Variants in GZMB observed in about 807,000 individuals in gnomAD.
GZMB encodes the protein granzyme B, also known as T-cell serine protease 1-3E.
GZMB carries 27 observed loss-of-function variants against 24.2 expected under a neutral mutation model. That is an observed-to-expected ratio of 1.12 (90% CI 0.82 to 1.54). GZMB has a LOEUF of 1.54. Among genes scored for constraint, GZMB ranks in the 40% most tolerant of loss-of-function variants. The pLI is 0.00. For synonymous variants in GZMB, 121 were observed against 115.1 expected (o/e 1.05, Z -0.33); for missense variants, 336 against 310.1 (o/e 1.08, Z -0.63).
intron 1 of GZMB, 149 bp from the exon 2 acceptor site, chr14:24,633,211 C>T: frequency 7.0e-7 from 1 of 1,437,886 alleles, no homozygotes; most frequent in Non-Finnish European, 9.1e-7. Context: ...ATTTCCTGCT[C>T]TGAAAAAGGG....
Position 24,632,064 on chromosome 14 carries a change from T to A in GZMB, c.394A>T (p.Asn132Tyr). 1.2e-6 allele frequency: 2 copies of A among 1,614,210 alleles called. No individual in the cohort carries two copies. Among genetic ancestry groups the A allele is most frequent in the East Asian group, 4.5e-5 (2 of 44,880 alleles). Residue 132 changes from asparagine (N) to tyrosine (Y), a missense_variant, in exon 4 of 5, where the codon AAC becomes TAC. Coordinates refer to ENST00000216341, the MANE Select transcript of GZMB (RefSeq NM_004131.6). ...RAVQPLRLPS[N>Y]KAQVKPGQTC... ...TGCCCTGGCTTCACCTGGGCCTTGT[T>A]GCTAGGTAGCCTGAGGGGCTGCACA... is the stretch of plus-strand genomic sequence containing the variant.
At position 24,631,214 on chromosome 14, in the gene GZMB, C is replaced by G; in HGVS notation, c.601G>C (p.Gly201Arg). Residue 201 changes from glycine (G) to arginine (R), a missense_variant and splice_region_variant, in exon 5 of 5, where the codon GGG becomes CGG. By Grantham distance (125) the Gly-to-Arg change is moderately radical (BLOSUM62 -2). Transcript: ENST00000216341. ...DPEIKKTSFKGDSGGPLVCNK... is the reference protein window; with the variant it reads ...DPEIKKTSFKRDSGGPLVCNK... Reference sequence around the variant, plus strand: ...CACACAAGAGGGCCTCCAGAGTCCCCCTGTGAATAGAGAGTGGAAGGACTG... The same window carrying G: ...CACACAAGAGGGCCTCCAGAGTCCCGCTGTGAATAGAGAGTGGAAGGACTG... The G allele has an allele frequency of 6.2e-7, 1 of 1,612,402 alleles. No homozygotes were observed. Among genetic ancestry groups the G allele is most frequent in the Non-Finnish European group, 8.5e-7 (1 of 1,179,086 alleles).
Position 24,632,701 on chromosome 14 carries a change from T to C in GZMB, c.203+214A>G, listed in dbSNP as rs546200590. On this transcript the variant is annotated intron_variant, in intron 2 of 4. Coordinates refer to ENST00000216341, the MANE Select transcript of GZMB (RefSeq NM_004131.6). ...GCCAAAGTATGCCCCCAGTTCTAAA[T>C]ATGGCAGGCTTGGTCACTCTGCTGT... The C allele has an allele frequency of 8.7e-4, 701 of 804,662 alleles. 3 individuals carry two copies. The highest frequency in any genetic ancestry group is 2.5e-3 in the African/African-American group (146 of 59,142). 49.8% of individuals were successfully genotyped at this position (804,662 alleles called of 1,614,324 possible). A position where few individuals can be genotyped will look rare whatever the true frequency, so the allele number is the denominator to read the frequency against.
rs1162753313 is a variant in GZMB, at chr14:24,632,111, C to A, written c.347G>T (p.Arg116Ile). The A allele has an allele frequency of 6.2e-7, 1 of 1,613,494 alleles. No homozygotes were observed. The highest frequency in any genetic ancestry group is 1.1e-5 in the South Asian group (1 of 91,068). ...SNDIMLLQLE[R>I]KAKRTRAVQP... is the part of the protein sequence containing the mutation. ...CACAGCTCTGGTCCGCTTGGCCTTT[C>A]TCTCCAGCTGGTGGGGAAGAGGCAA... The change falls in exon 4 of 5, where the codon AGA (arginine) becomes ATA (isoleucine). Residue 116 changes from arginine (R) to isoleucine (I), a missense_variant. Transcript: ENST00000216341.
In GZMB at chr14:24,631,946, C is replaced by T. The variant is rs376486286; in HGVS notation, c.512G>A (p.Arg171Gln). The T allele has an allele frequency of 1.5e-5, 24 of 1,614,180 alleles. No individual in the cohort carries two copies. Among genetic ancestry groups the T allele is most frequent in the Admixed American group, 5.0e-5 (3 of 60,030 alleles). ...ATGGCGTAAGTCAGATTCGCACTTTCGATCTTCCTGCACTGTCATCTTCAC... is the reference window on the plus strand; with the variant it reads ...ATGGCGTAAGTCAGATTCGCACTTTTGATCTTCCTGCACTGTCATCTTCAC... The part of the protein sequence containing the change: ...QEVKMTVQED[R>Q]KCESDLRHYY... Residue 171 changes from arginine (R) to glutamine (Q), a missense_variant, in exon 4 of 5, where the codon CGA becomes CAA. Physicochemically the swap from Arg to Gln is conservative, Grantham distance 43 (BLOSUM62 1). Transcript: ENST00000216341.
intron 2 of GZMB, 29 bp from the exon 3 acceptor site, chr14:24,632,488 G>A (rs368181836): frequency 9.3e-6 from 15 of 1,613,740 alleles, no homozygotes; most frequent in Non-Finnish European, 1.2e-5. Context: ...GAGGATGGGG[G>A]TGGAGTCACA....
chr14:24,632,894 G>T, intron 2 of GZMB, 21 bp downstream of exon 2: 1 of 1,605,272 alleles, frequency 6.2e-7, no homozygotes, highest in South Asian at 1.1e-5. Context: ...AGGAGGGTGT[G>T]GGCTGTTTTC....
rs905253595 is a variant in GZMB at position 24,633,182 on chromosome 14, C to T, written c.56-120G>A. 5 of 1,466,380 alleles carry T rather than the reference C, an allele frequency of 3.4e-6. No homozygotes were observed. The African/African-American group carries it at 7.0e-5, about 21-fold the overall frequency. 90.8% of individuals were successfully genotyped at this position (1,466,380 alleles called of 1,614,324 possible). On this transcript the variant is annotated intron_variant, in intron 1 of 4. Transcript: ENST00000216341. Reference sequence around the variant, plus strand: ...TGGGATAGCCTGGAGTTGGGAGTGGCCTGGAGGAAGGGGCTTCAATTTCCT... The same window carrying T: ...TGGGATAGCCTGGAGTTGGGAGTGGTCTGGAGGAAGGGGCTTCAATTTCCT...
At chr14:24,633,739 T>C (rs2067018409) in intron 1 of GZMB, among the ~76,000 whole-genome samples, 1 of 152,216 alleles carries the variant, frequency 6.6e-6, no homozygotes, top group Admixed American at 6.5e-5. Context: ...GTTTCTCTCC[T>C]AAGTAGACAG....
chr14:24,632,142 T>A lies in GZMB; in HGVS notation c.340-24A>T, dbSNP rs201822821. 5.0e-5 allele frequency: 80 copies of A among 1,610,264 alleles called. No homozygotes were observed. The Middle Eastern group carries it at 5.2e-4, about 10-fold the overall frequency. On this transcript the variant is annotated intron_variant, in intron 3 of 4. Coordinates refer to ENST00000216341, the MANE Select transcript of GZMB (RefSeq NM_004131.6). ...AGCTGGTGGGGAAGAGGCAAGAAAG[T>A]CCAGGTCAGCCAACGAACTTCTGGG...
chr14:24,634,016 C>G, intron 1 of GZMB, 90 bp downstream of exon 1: 1 of 1,158,262 alleles, frequency 8.6e-7, no homozygotes, highest in African/African-American at 1.5e-5. Context: ...TCAGAACATT[C>G]CTGGTAGATA....
Position 24,631,925 on chromosome 14 carries a change from C to T in GZMB, c.533G>A (p.Arg178His), listed in dbSNP as rs751052963. The T allele has an allele frequency of 2.3e-5, 37 of 1,613,930 alleles. 1 individual carries two copies. The South Asian group carries it at 3.5e-4, about 15-fold the overall frequency. The change falls in exon 4 of 5, where the codon CGC becomes CAC. Residue 178 changes from arginine to histidine, a missense_variant. By Grantham distance (29) the Arg-to-His change is conservative. Transcript: ENST00000216341. The part of the protein sequence containing the change: ...QEDRKCESDL[R>H]HYYDSTIELC... ...CTCAATGGTACTGTCGTAATAATGG[C>T]GTAAGTCAGATTCGCACTTTCGATC... is the stretch of plus-strand genomic sequence containing the variant.
In GZMB at chr14:24,631,171, C is replaced by T; in HGVS notation, c.644G>A (p.Gly215Asp). The T allele has an allele frequency of 6.2e-7, 1 of 1,612,990 alleles. No individual in the cohort carries two copies. Among genetic ancestry groups the T allele is most frequent in the Non-Finnish European group, 8.5e-7 (1 of 1,179,030 alleles). The stretch of plus-strand genomic sequence containing the variant: ...ATTGTTTCGTCCATAGGAGACAATG[C>T]CCTGGGCCACCTTGTTACACACAAG... ...GPLVCNKVAQGIVSYGRNNGM... is the reference protein window; with the variant it reads ...GPLVCNKVAQDIVSYGRNNGM... The change falls in exon 5 of 5, where the codon GGC (glycine) becomes GAC (aspartate). Residue 215 changes from glycine to aspartate, a missense_variant. Coordinates refer to ENST00000216341, the MANE Select transcript of GZMB (RefSeq NM_004131.6).
intron 2 of GZMB, 55 bp downstream of exon 2, chr14:24,632,860 C>CTCCTTGGGAAGA: frequency 6.4e-7 from 1 of 1,551,882 alleles, no homozygotes; most frequent in Non-Finnish European, 8.9e-7. Context: ...GGGAAGAAGG[C>CTCCTTGGGAAGA]AGGGGTCTCT....
chr14:24,631,546 G>A lies in GZMB; in HGVS notation c.600+312C>T, dbSNP rs185470970. ...AGCCCATTAACCACGTTGGGTACCA[G>A]CCTCTGAAGACACACCTGGTTATAA... On this transcript the variant is annotated intron_variant, in intron 4 of 4. Coordinates refer to ENST00000216341, the MANE Select transcript of GZMB (RefSeq NM_004131.6). 1.4e-4 allele frequency: 77 copies of A among 547,614 alleles called. No homozygotes were observed. The East Asian group carries it at 2.3e-3, about 16-fold the overall frequency. The allele number at this position is 547,614 out of a possible 1,614,324, so 33.9% of individuals were successfully genotyped here.
At chr14:24,631,561 CCTGGTTATAATTA>C (rs1450429236) in intron 4 of GZMB, 2 of 553,076 alleles carry the variant, frequency 3.6e-6, no homozygotes, top group South Asian at 2.3e-5. Context: ...TGAAGACACA[CCTGGTTATAATTA>C]CTGCACCCCC....
chr14:24,632,637 C>A, intron 2 of GZMB, 178 bp from the exon 3 acceptor site: 1 of 1,019,760 alleles, frequency 9.8e-7, no homozygotes, highest in Non-Finnish European at 1.5e-6. Flanking sequence ...TCGGTTCCCC[C>A]TAGAAACACA....
chr14:24,633,045 G>A lies in GZMB; in HGVS notation c.73C>T (p.His25Tyr). Residue 25 changes from histidine (H) to tyrosine (Y), a missense_variant, in exon 2 of 5, where the codon CAT (histidine) becomes TAT (tyrosine). Transcript: ENST00000216341. ...GGGCGGGAGTGGGGCTTGGCCTCAT[G>A]TCCCCCGATGATCTCCCCTGAAGGA... ...RADAGEIIGG[H>Y]EAKPHSRPYM... The A allele has an allele frequency of 6.2e-7, 1 of 1,610,018 alleles. No homozygotes were observed. Among genetic ancestry groups the A allele is most frequent in the Admixed American group, 1.7e-5 (1 of 59,484 alleles).
intron 3 of GZMB, 69 bp from the exon 4 acceptor site, chr14:24,632,187 C>T: frequency 6.3e-7 from 1 of 1,581,062 alleles, no homozygotes; most frequent in South Asian, 1.2e-5. Flanking sequence ...AGTGATGGGG[C>T]TGCACAATCT....
Sources: allele counts gnomAD v4.1 joint callset (sites outside exome capture counted in the v4.1 genomes callset), GRCh38; gene constraint gnomAD v4.1.1; transcripts MANE v1.5; gene names NCBI Gene and HGNC (gene_info 2026-07-23, HGNC 2026-07-21).